The following LMNTD1 variants were observed in gnomAD, a reference collection of about 807,000 sequenced individuals.
LMNTD1 encodes lamin tail domain containing 1, also known as lamin tail domain-containing protein 1.
Under a neutral mutation model 50.9 loss-of-function variants are expected in LMNTD1, and 35 were observed. The ratio of observed to expected loss-of-function variants is 0.69; its 90% confidence interval spans 0.53 to 0.91. The LOEUF (loss-of-function observed/expected upper bound fraction) is 0.91, where lower values mean the gene tolerates loss of function less well. LMNTD1 is among the 40% of genes least tolerant of loss of function. The probability of loss-of-function intolerance (pLI) is 0.00; values close to 1 mark genes in which losing one functional copy is unlikely to be tolerated. For synonymous variants in LMNTD1, 153 were observed against 161.9 expected, an observed-to-expected ratio of 0.94 and a Z score of 0.42; for missense variants, 470 against 475.5, an observed-to-expected ratio of 0.99 and a Z score of 0.11.
intron 1 of LMNTD1, among the ~76,000 whole-genome samples, chr12:25,612,385 T>C (rs184145506): frequency 2.0e-4 from 30 of 151,934 alleles, no homozygotes; most frequent in African/African-American, 7.2e-4. Flanking sequence ...TGGAATTCAC[T>C]GTGGATTTTA....
intron 4 of LMNTD1, among the ~76,000 whole-genome samples, chr12:25,542,070 C>T (rs1426421098): frequency 6.6e-6 from 1 of 150,458 alleles, no homozygotes; most frequent in Non-Finnish European, 1.5e-5. Flanking sequence ...AGTCAGGAAA[C>T]AACAGGTGCT....
chr12:25,569,553 A>G (rs1313342920), intron 1 of LMNTD1, among the ~76,000 whole-genome samples: 1 of 152,156 alleles, frequency 6.6e-6, no homozygotes, highest in African/African-American at 2.4e-5. Context: ...TCAGGGGCAG[A>G]ATGATATGGT....
At chr12:25,633,084 A>G (rs925650898) in intron 1 of LMNTD1, among the ~76,000 whole-genome samples, 2 of 152,144 alleles carry the variant, frequency 1.3e-5, no homozygotes, top group Non-Finnish European at 2.9e-5. Flanking sequence ...ACAAAGAGGG[A>G]CATCATGTAA....
intron 1 of LMNTD1, among the ~76,000 whole-genome samples, chr12:25,599,274 C>A (rs1002542473): frequency 6.6e-6 from 1 of 151,740 alleles, no homozygotes; most frequent in African/African-American, 2.4e-5. Flanking sequence ...ATGAAAAAAA[C>A]CCTAAAAAAG....
At chr12:25,590,679 G>A (rs1332424408) in intron 1 of LMNTD1, among the ~76,000 whole-genome samples, 4 of 152,172 alleles carry the variant, frequency 2.6e-5, no homozygotes, top group Non-Finnish European at 4.4e-5. Flanking sequence ...GAAGAGTATG[G>A]AGGACTTTGT....
intron 7 of LMNTD1, among the ~76,000 whole-genome samples, chr12:25,519,429 A>T (rs1488493225): frequency 6.6e-6 from 1 of 151,352 alleles, no homozygotes; most frequent in East Asian, 2.0e-4. Flanking sequence ...TACTAAAAAT[A>T]CAAAAAAAAT....
rs1939500183 is a variant in LMNTD1 at position 25,503,433 on chromosome 12, GTGTT to G, written c.*22+301_*22+304del. 2.0e-5 allele frequency among the ~76,000 whole-genome samples: 3 copies of G among 152,232 alleles called. No homozygotes were observed. The South Asian group carries it at 6.2e-4, about 32-fold the overall frequency. On this transcript the variant is annotated intron_variant, in intron 9 of 9. Transcript: ENST00000458174. ...GTGTAGTTGCAGAGTTGTTTTTTGA[GTGTT>G]TGAAGTGACTCTGGAGTTCAAGGGC...
chr12:25,552,890 T>G lies in LMNTD1; in HGVS notation c.70A>C (p.Lys24Gln), dbSNP rs1463205189. The change falls in exon 2 of 10, where the codon AAG becomes CAG. Residue 24 changes from lysine (K) to glutamine (Q), a missense_variant. By Grantham distance (53) the Lys-to-Gln change is moderately conservative (BLOSUM62 1). Coordinates refer to ENST00000458174, the MANE Select transcript of LMNTD1 (RefSeq NM_001145728.2). Reference sequence around the variant, plus strand: ...GCTCACTGTTTTTGTTTCTCATTCTTATCTTCCTGCTCATGGACTTTATTC... The same window carrying G: ...GCTCACTGTTTTTGTTTCTCATTCTGATCTTCCTGCTCATGGACTTTATTC... ...MQNKVHEQED[K>Q]NEKQKQREDK... 1 of 1,549,636 alleles carries G rather than the reference T, an allele frequency of 6.5e-7. No homozygotes were observed. Among genetic ancestry groups the G allele is most frequent in the South Asian group, 1.2e-5 (1 of 84,114 alleles).
At chr12:25,569,886 C>A (rs1472468323) in intron 1 of LMNTD1, among the ~76,000 whole-genome samples, 1 of 152,148 alleles carries the variant, frequency 6.6e-6, no homozygotes, top group East Asian at 1.9e-4. Context: ...CCAATTCAAC[C>A]TCTTTTATTT....
chr12:25,559,880 T>C (rs965844202), intron 1 of LMNTD1, among the ~76,000 whole-genome samples: 1 of 152,188 alleles, frequency 6.6e-6, no homozygotes, highest in African/African-American at 2.4e-5. Context: ...TTTGCCCACT[T>C]TTTGATGGGG....
At chr12:25,519,119 A>G (rs370639352) in intron 7 of LMNTD1, 152 bp from the exon 8 acceptor site, 5 of 682,156 alleles carry the variant, frequency 7.3e-6, no homozygotes, top group East Asian at 5.4e-5. Context: ...TAACTTCAGA[A>G]GCATTTGCTA....
chr12:25,520,514 T>A (rs1941241008), intron 6 of LMNTD1, among the ~76,000 whole-genome samples: 1 of 152,212 alleles, frequency 6.6e-6, no homozygotes, highest in South Asian at 2.1e-4. Flanking sequence ...TCACTCAGCA[T>A]AATGTCCTCC....
chr12:25,502,236 T>C (rs923174413), intron 9 of LMNTD1, among the ~76,000 whole-genome samples: 4 of 151,770 alleles, frequency 2.6e-5, no homozygotes, highest in Non-Finnish European at 4.4e-5. Context: ...TTCCCCCCCT[T>C]TTTTTTTGTA....
At chr12:25,529,769 A>G (rs1285245238) in intron 4 of LMNTD1, among the ~76,000 whole-genome samples, 1 of 152,002 alleles carries the variant, frequency 6.6e-6, no homozygotes, top group Non-Finnish European at 1.5e-5. Flanking sequence ...TGCCTTGTGG[A>G]AATCCTTCAA....
chr12:25,486,995 G>T (rs953789995), intron 9 of LMNTD1, among the ~76,000 whole-genome samples: 1 of 151,786 alleles, frequency 6.6e-6, no homozygotes, highest in Non-Finnish European at 1.5e-5. Flanking sequence ...TGTGGTCTGA[G>T]AGACAGTTTG....
At chr12:25,606,632 G>A (rs368146240) in intron 1 of LMNTD1, among the ~76,000 whole-genome samples, 70 of 152,156 alleles carry the variant, frequency 4.6e-4, no homozygotes, top group African/African-American at 1.4e-3. Context: ...GCTGGATTAC[G>A]TTTATTGATT....
chr12:25,512,692 G>T (rs1940394973), intron 8 of LMNTD1, among the ~76,000 whole-genome samples: 1 of 152,058 alleles, frequency 6.6e-6, no homozygotes. Context: ...CCAGGCTTTT[G>T]GTAGAAGGTA....
chr12:25,509,787 C>G (rs1336004954), intron 8 of LMNTD1, among the ~76,000 whole-genome samples: 1 of 152,136 alleles, frequency 6.6e-6, no homozygotes, highest in East Asian at 1.9e-4. Flanking sequence ...CATATGAAGA[C>G]AGAGGCAGAA....
In LMNTD1 at chr12:25,546,506, A is replaced by G. The variant is rs746982514; in HGVS notation, c.359T>C (p.Ile120Thr). ...VPKKQDESPM[I>T]GDGEDYFLSL... ...AAGGAAATAATCTTCTCCATCCCCAATCATGGGTGATTCATCCTGTTTCTT... is the reference window on the plus strand; with the variant it reads ...AAGGAAATAATCTTCTCCATCCCCAGTCATGGGTGATTCATCCTGTTTCTT... Residue 120 changes from isoleucine (I) to threonine (T), a missense_variant, in exon 4 of 10, where the codon ATT (isoleucine) becomes ACT (threonine). Transcript: ENST00000458174. 1.3e-6 allele frequency: 2 copies of G among 1,585,456 alleles called. No homozygotes were observed. The highest frequency in any genetic ancestry group is 2.3e-5 in the East Asian group (1 of 43,658).
Sources: gnomAD v4.1 joint callset for allele counts (sites outside exome capture counted in the v4.1 genomes callset) on GRCh38, gnomAD v4.1.1 for gene constraint, MANE v1.5 for transcripts, NCBI Gene and HGNC (gene_info 2026-07-23, HGNC 2026-07-21) for gene names.